KLF12: variants seen among roughly 807,000 people sequenced by gnomAD.
KLF12 encodes KLF transcription factor 12.
In KLF12, 9 loss-of-function variants were observed where a neutral mutation model predicts 37.8. That is an observed-to-expected ratio of 0.24 (90% CI 0.14 to 0.42). KLF12 has a LOEUF of 0.42. KLF12 is among the 10% of genes least tolerant of loss of function. The pLI is 1.00. For synonymous variants in KLF12, 208 were observed against 202.1 expected (o/e 1.03, Z -0.25); for missense variants, 411 against 516.0 (o/e 0.80, Z 1.97).
At chr13:73,771,258 G>A (rs1262637272) in intron 5 of KLF12, among the ~76,000 whole-genome samples, 2 of 152,114 alleles carry the variant, frequency 1.3e-5, no homozygotes, top group East Asian at 1.9e-4. Context: ...CATATTCCAG[G>A]GGACAAGGGA....
intron 5 of KLF12, among the ~76,000 whole-genome samples, chr13:73,785,554 T>C (rs976537727): frequency 1.3e-5 from 2 of 152,150 alleles, no homozygotes; most frequent in Non-Finnish European, 2.9e-5. Context: ...GGATATCCAC[T>C]ATTAATACAA....
intron 3 of KLF12, among the ~76,000 whole-genome samples, chr13:73,854,406 C>G (rs1391430522): frequency 6.6e-6 from 1 of 152,168 alleles, no homozygotes; most frequent in Non-Finnish European, 1.5e-5. Flanking sequence ...TTTCTTACAA[C>G]AGTATCTCAT....
intron 6 of KLF12, among the ~76,000 whole-genome samples, chr13:73,738,109 A>ATG (rs1555299025): frequency 0.066 from 5,519 of 83,388 alleles, 357 homozygotes; most frequent in Middle Eastern, 0.088. Flanking sequence ...ATATATATAT[A>ATG]TATATATATA....
At chr13:73,883,408 A>C (rs1887072704) in intron 3 of KLF12, among the ~76,000 whole-genome samples, 3 of 152,208 alleles carry the variant, frequency 2.0e-5, no homozygotes, top group Non-Finnish European at 4.4e-5. Context: ...CCTGCCTTAC[A>C]TAAACGACAC....
At chr13:73,881,629 C>T (rs1233129007) in intron 3 of KLF12, among the ~76,000 whole-genome samples, 1 of 152,148 alleles carries the variant, frequency 6.6e-6, no homozygotes, top group African/African-American at 2.4e-5. Context: ...TGCATCTCCT[C>T]TGTATAGACA....
chr13:74,053,994 A>C (rs1873090628), intron 1 of KLF12, among the ~76,000 whole-genome samples: 1 of 152,184 alleles, frequency 6.6e-6, no homozygotes, highest in Non-Finnish European at 1.5e-5. Context: ...GTCGTAATTA[A>C]GAAAGTATTT....
At chr13:73,982,637 G>C (rs1286031387) in intron 2 of KLF12, among the ~76,000 whole-genome samples, 1 of 151,840 alleles carries the variant, frequency 6.6e-6, no homozygotes, top group Non-Finnish European at 1.5e-5. Flanking sequence ...AAATACACTT[G>C]GTATAGGAAA....
At chr13:74,260,967 A>C in the KLF12 span, among the ~76,000 whole-genome samples, 5 of 152,194 alleles carry the variant, frequency 3.3e-5, no homozygotes, top group African/African-American at 9.6e-5. Context: ...TTAAGGATAC[A>C]CTGGACTTTG....
At chr13:74,017,128 CTG>C (rs969383686) in intron 1 of KLF12, among the ~76,000 whole-genome samples, 16 of 152,000 alleles carry the variant, frequency 1.1e-4, no homozygotes, top group East Asian at 3.9e-4. Flanking sequence ...TGGATAAATA[CTG>C]TGTGTATATC....
chr13:74,162,616 T>C, the KLF12 span, among the ~76,000 whole-genome samples: 1 of 152,228 alleles, frequency 6.6e-6, no homozygotes, highest in Non-Finnish European at 1.5e-5. Flanking sequence ...CTCTCCTTCG[T>C]TGCTCTCTTA....
chr13:73,813,404 A>G lies in KLF12; in HGVS notation c.671-117T>C, dbSNP rs564621624. On this transcript the variant is annotated intron_variant, in intron 4 of 7. Transcript: ENST00000377669. ...ATATCATGCAAATGGAATTCTCTAG[A>G]CATCACAGGAATCAGTGAAAGCTCC... is the stretch of plus-strand genomic sequence containing the variant. The G allele has an allele frequency of 1.9e-5, 21 of 1,092,090 alleles. No homozygotes were observed. The African/African-American group carries it at 2.8e-4, about 15-fold the overall frequency. The allele number at this position is 1,092,090 out of a possible 1,614,324, so 67.6% of individuals were successfully genotyped here.
intron 1 of KLF12, among the ~76,000 whole-genome samples, chr13:74,123,892 T>TCC (rs1237735649): frequency 3.3e-5 from 5 of 152,216 alleles, no homozygotes; most frequent in Non-Finnish European, 7.3e-5. Context: ...TTTTACCTTC[T>TCC]CCTGATTTTA....
At chr13:74,012,489 T>C (rs1892577214) in intron 1 of KLF12, among the ~76,000 whole-genome samples, 1 of 152,228 alleles carries the variant, frequency 6.6e-6, no homozygotes, top group Non-Finnish European at 1.5e-5. Context: ...ACATCCCTGC[T>C]ACATTGCTGA....
intron 3 of KLF12, among the ~76,000 whole-genome samples, chr13:73,921,889 T>C (rs1207211334): frequency 6.6e-6 from 1 of 152,188 alleles, no homozygotes; most frequent in Non-Finnish European, 1.5e-5. Context: ...AAAGAAATAC[T>C]ACACCACTAT....
intron 2 of KLF12, among the ~76,000 whole-genome samples, chr13:73,950,648 T>C (rs1890611425): frequency 6.6e-6 from 1 of 152,016 alleles, no homozygotes; most frequent in South Asian, 2.1e-4. Context: ...GAAAACATCA[T>C]GGCAAGAGAA....
chr13:74,151,510 G>C, the KLF12 span, among the ~76,000 whole-genome samples: 1 of 152,078 alleles, frequency 6.6e-6, no homozygotes, highest in African/African-American at 2.4e-5. Flanking sequence ...AAAATTAGCT[G>C]GGTGTGGTGG....
At chr13:73,708,145 T>C (rs1875087991) in intron 7 of KLF12, among the ~76,000 whole-genome samples, 1 of 152,158 alleles carries the variant, frequency 6.6e-6, no homozygotes. Flanking sequence ...TTTAAGTGTC[T>C]ATATGAATAA....
chr13:73,807,843 T>C (rs970069871), intron 5 of KLF12, among the ~76,000 whole-genome samples: 3 of 152,198 alleles, frequency 2.0e-5, no homozygotes, highest in Non-Finnish European at 2.9e-5. Context: ...ATCCACATCC[T>C]TTAGCTTGTT....
chr13:74,048,879 G>A (rs938354788), intron 1 of KLF12, among the ~76,000 whole-genome samples: 2 of 152,176 alleles, frequency 1.3e-5, no homozygotes, highest in African/African-American at 4.8e-5. Flanking sequence ...AAAGTAAGTG[G>A]AAGAAATGAT....
Sources: gnomAD v4.1 joint callset for allele counts (sites outside exome capture counted in the v4.1 genomes callset) on GRCh38, gnomAD v4.1.1 for gene constraint, MANE v1.5 for transcripts, NCBI Gene and HGNC (gene_info 2026-07-23, HGNC 2026-07-21) for gene names.